Variants in FRY observed in about 807,000 individuals in gnomAD.
FRY encodes FRY microtubule binding protein, also known as protein furry homolog.
In FRY, 128 loss-of-function variants were observed where a neutral mutation model predicts 348.4. The observed-to-expected ratio is 0.37, with a 90% CI of 0.32 to 0.43. The LOEUF (loss-of-function observed/expected upper bound fraction) is 0.43. Ranked by LOEUF, FRY falls within the 20% of genes least tolerant of loss-of-function variation. The probability of loss-of-function intolerance (pLI) is 1.00; values close to 1 mark genes in which losing one functional copy is unlikely to be tolerated. For synonymous variants in FRY, 1,370 were observed against 1,374.7 expected (o/e 1.00, Z 0.08); for missense variants, 2,736 against 3,695.2 (o/e 0.74, Z 6.73).
chr13:32,034,042 G>A (rs1450768133), intron 1 of FRY, among the ~76,000 whole-genome samples: 1 of 152,194 alleles, frequency 6.6e-6, no homozygotes, highest in Non-Finnish European at 1.5e-5. Context: ...GCGGCTAATT[G>A]CACCTGCATG....
At chr13:32,136,850 C>T (rs1207088222) in intron 10 of FRY, 21 bp from the exon 11 acceptor site, 3 of 1,115,388 alleles carry the variant, frequency 2.7e-6, no homozygotes, top group Non-Finnish European at 4.1e-6. Flanking sequence ...GATCCTGTGA[C>T]CTCCTCTCCT....
intron 31 of FRY, 105 bp downstream of exon 31, chr13:32,202,632 T>C: frequency 2.8e-6 from 3 of 1,068,200 alleles, no homozygotes; most frequent in Admixed American, 3.7e-5. Flanking sequence ...CTAAGTAATT[T>C]TTCTTTTTAA....
At chr13:32,274,765 A>G in intron 55 of FRY, 77 bp from the exon 56 acceptor site, 1 of 988,584 alleles carries the variant, frequency 1.0e-6, no homozygotes, top group South Asian at 1.3e-5. Context: ...AAAAGAAGCT[A>G]CCCCTCCCCC....
chr13:32,087,289 C>A (rs2138567730), intron 2 of FRY, among the ~76,000 whole-genome samples: 1 of 152,350 alleles, frequency 6.6e-6, no homozygotes, highest in East Asian at 1.9e-4. Context: ...GACAGCATTA[C>A]TGCTTGCTAG....
Position 32,078,887 on chromosome 13 carries a change from A to G in FRY, c.124A>G (p.Thr42Ala), listed in dbSNP as rs1875286466. The change falls in exon 2 of 61, where the codon ACG becomes GCG. Residue 42 changes from threonine to alanine, a missense_variant. Transcript: ENST00000542859. ...IKPPVPPASG[T>A]HREKGPPTML... ...GCCTCCGGTTCCACCTGCTTCTGGC[A>G]CGCACAGGGAGAAAGGGCCGCCAAC... is the stretch of plus-strand genomic sequence containing the variant. The G allele has an allele frequency of 1.9e-6, 3 of 1,614,000 alleles. No individual in the cohort carries two copies. The highest frequency in any genetic ancestry group is 1.6e-4 in the Middle Eastern group (1 of 6,084).
chr13:32,146,937 T>C (rs1223141675), intron 11 of FRY, among the ~76,000 whole-genome samples: 1 of 152,060 alleles, frequency 6.6e-6, no homozygotes, highest in South Asian at 2.1e-4. Context: ...TAATCAACAA[T>C]AAAAAGAACA....
chr13:32,250,839 G>C (rs1887040706), intron 49 of FRY, among the ~76,000 whole-genome samples: 1 of 152,220 alleles, frequency 6.6e-6, no homozygotes, highest in South Asian at 2.1e-4. Flanking sequence ...TTCATTGGAA[G>C]AGAGAAGAAA....
chr13:32,072,967 A>T (rs1456122875), intron 1 of FRY, among the ~76,000 whole-genome samples: 1 of 152,264 alleles, frequency 6.6e-6, no homozygotes, highest in Non-Finnish European at 1.5e-5. Context: ...TCACCTTTCT[A>T]TGATGAGTTC....
chr13:32,047,650 A>C (rs1429777546), intron 1 of FRY, among the ~76,000 whole-genome samples: 1 of 150,492 alleles, frequency 6.6e-6, no homozygotes, highest in Non-Finnish European at 1.5e-5. Flanking sequence ...GCCTCACTGC[A>C]ACCTCCACCT....
chr13:32,059,580 G>A (rs746179028), intron 1 of FRY, among the ~76,000 whole-genome samples: 23 of 151,072 alleles, frequency 1.5e-4, no homozygotes, highest in Admixed American at 6.0e-4. Flanking sequence ...TGCACGTGCC[G>A]TTGTGTTACA....
At chr13:32,156,273 A>C (rs1881100525) in intron 15 of FRY, among the ~76,000 whole-genome samples, 1 of 152,192 alleles carries the variant, frequency 6.6e-6, no homozygotes, top group Non-Finnish European at 1.5e-5. Flanking sequence ...TTTTGCTTTG[A>C]AATATTTCTC....
At chr13:32,264,115 T>G (rs1887807871) in intron 53 of FRY, among the ~76,000 whole-genome samples, 1 of 152,236 alleles carries the variant, frequency 6.6e-6, no homozygotes, top group Non-Finnish European at 1.5e-5. Context: ...ATTTCTGCAG[T>G]GTTTGATAAA....
At position 32,176,915 on chromosome 13, in the gene FRY, G is replaced by A. The variant is rs960200010; in HGVS notation, c.2422-1262G>A. Among the ~76,000 whole-genome samples the A allele has an allele frequency of 3.9e-5, 6 of 152,196 alleles. No homozygotes were observed. In the South Asian group the frequency reaches 1.2e-3, roughly 31 times the overall value. On this transcript the variant is annotated intron_variant, in intron 20 of 60. Coordinates refer to ENST00000542859, the MANE Select transcript of FRY (RefSeq NM_023037.3). The stretch of plus-strand genomic sequence containing the variant: ...CCAAGTCATAAATTCAATACACAGA[G>A]ATTCTGGGATGTTCAGTACTTTTCT...
chr13:32,187,773 A>G, intron 28 of FRY, 117 bp downstream of exon 28: 1 of 701,266 alleles, frequency 1.4e-6, no homozygotes, highest in South Asian at 1.5e-5. Context: ...CCACACAAGT[A>G]TAGATTTATG....
At chr13:32,132,840 G>A (rs917409057) in intron 8 of FRY, among the ~76,000 whole-genome samples, 2 of 152,118 alleles carry the variant, frequency 1.3e-5, no homozygotes, top group African/African-American at 4.8e-5. Flanking sequence ...TCCCTATAAT[G>A]GAATATTATT....
At chr13:32,265,417 T>C (rs746263851) in intron 53 of FRY, 33 bp from the exon 54 acceptor site, 14 of 1,608,010 alleles carry the variant, frequency 8.7e-6, no homozygotes, top group Non-Finnish European at 1.1e-5. Context: ...TTCTTACACA[T>C]TGGGGGATTC....
chr13:32,071,094 A>G (rs1874625622), intron 1 of FRY, among the ~76,000 whole-genome samples: 2 of 152,186 alleles, frequency 1.3e-5, no homozygotes, highest in Admixed American at 1.3e-4. Context: ...TACCAGTACC[A>G]TGCTGTTTTG....
At chr13:32,062,932 A>C (rs1874031157) in intron 1 of FRY, among the ~76,000 whole-genome samples, 2 of 151,822 alleles carry the variant, frequency 1.3e-5, no homozygotes, top group Non-Finnish European at 2.9e-5. Flanking sequence ...ATATATATGC[A>C]TATGTATATT....
At chr13:32,291,738 G>A (rs895656338) in intron 59 of FRY, among the ~76,000 whole-genome samples, 2 of 151,892 alleles carry the variant, frequency 1.3e-5, no homozygotes, top group African/African-American at 2.4e-5. Context: ...TTCATGATTC[G>A]TGAAAGGAAG....
Sources: allele counts gnomAD v4.1 joint callset (sites outside exome capture counted in the v4.1 genomes callset), GRCh38; gene constraint gnomAD v4.1.1; transcripts MANE v1.5; gene names NCBI Gene and HGNC (gene_info 2026-07-23, HGNC 2026-07-21).